The following RNF213 variants were observed in gnomAD, a reference collection of about 807,000 sequenced individuals.
The protein encoded by RNF213 is ring finger protein 213.
In RNF213, 341 loss-of-function variants were observed where a neutral mutation model predicts 514.4. That is an observed-to-expected ratio of 0.66 (90% CI 0.61 to 0.73). The LOEUF (loss-of-function observed/expected upper bound fraction) is 0.73, where lower values mean the gene tolerates loss of function less well. Ranked by LOEUF, RNF213 falls within the 30% of genes least tolerant of loss-of-function variation. The pLI is 0.00. For missense variants in RNF213, 5,767 were observed against 6,615.6 expected, an observed-to-expected ratio of 0.87 and a Z score of 4.45; for synonymous variants, 2,655 against 2,658.2, an observed-to-expected ratio of 1.00 and a Z score of 0.04.
At chr17:80,296,381 T>G (rs1216534212) in intron 10 of RNF213, among the ~76,000 whole-genome samples, 1 of 152,182 alleles carries the variant, frequency 6.6e-6, no homozygotes, top group Admixed American at 6.5e-5. Flanking sequence ...TGCGCGTGTT[T>G]AGGAGGTTGT....
Position 80,350,347 on chromosome 17 carries a change from A to G in RNF213, c.10135A>G (p.Thr3379Ala), listed in dbSNP as rs1410221310. Reference sequence around the variant, plus strand: ...CAAATGTAAAATCCTCATTTTTCAGACAGATTTTGAAGATGGAATCCGTAG... The same window carrying G: ...CAAATGTAAAATCCTCATTTTTCAGGCAGATTTTGAAGATGGAATCCGTAG... ...TAKCKILIFQ[T>A]DFEDGIRSAQ... Residue 3379 changes from threonine to alanine, a missense_variant, in exon 31 of 68, where the codon ACA becomes GCA. Coordinates refer to ENST00000582970, the MANE Select transcript of RNF213 (RefSeq NM_001256071.3). The G allele has an allele frequency of 6.2e-7, 1 of 1,612,230 alleles. No individual in the cohort carries two copies. The highest frequency in any genetic ancestry group is 1.1e-5 in the South Asian group (1 of 91,044).
Position 80,377,682 on chromosome 17 carries a change from TAGAG to T in RNF213, c.13511-77_13511-74del. On this transcript the variant is annotated intron_variant, in intron 53 of 67. Coordinates refer to ENST00000582970, the MANE Select transcript of RNF213 (RefSeq NM_001256071.3). The surrounding 1 kb of genome is among the most constrained non-coding windows in gnomAD (Gnocchi z 4.1). ...TCATATTGTGGTCAGGGCCAGAGAG[TAGAG>T]AGTTAGCTTTCCCTTTTCAATGTGG... 1.3e-6 allele frequency: 2 copies of T among 1,501,816 alleles called. No homozygotes were observed. Among genetic ancestry groups the T allele is most frequent in the Non-Finnish European group, 1.9e-6 (2 of 1,077,668 alleles). The allele number at this position is 1,501,816 out of a possible 1,614,324, so 93.0% of individuals were successfully genotyped here. A position where few individuals can be genotyped will look rare whatever the true frequency, so the allele number is the denominator to read the frequency against.
chr17:80,301,047 G>A (rs1164553753), intron 11 of RNF213, among the ~76,000 whole-genome samples: 2 of 151,808 alleles, frequency 1.3e-5, no homozygotes, highest in Non-Finnish European at 2.9e-5. Context: ...TTACACCTTT[G>A]TCAGATGCAT....
chr17:80,346,070 G>T lies in RNF213; in HGVS notation c.7735G>T (p.Val2579Leu). The T allele has an allele frequency of 6.2e-7, 1 of 1,614,152 alleles. No individual in the cohort carries two copies. Among genetic ancestry groups the T allele is most frequent in the Non-Finnish European group, 8.5e-7 (1 of 1,180,034 alleles). Residue 2579 changes from valine (V) to leucine (L), a missense_variant, in exon 29 of 68, where the codon GTG becomes TTG. Physicochemically the swap from Val to Leu is conservative, Grantham distance 32. Coordinates refer to ENST00000582970, the MANE Select transcript of RNF213 (RefSeq NM_001256071.3). The surrounding 1 kb of genome is among the most constrained non-coding windows in gnomAD (Gnocchi z 8.1). Reference sequence around the variant, plus strand: ...TCTGCCCCCGAGCCTGATTCCTCTGGTGTGGGACTTTGGACAACTGAGTGA... The same window carrying T: ...TCTGCCCCCGAGCCTGATTCCTCTGTTGTGGGACTTTGGACAACTGAGTGA... ...HALPPSLIPL[V>L]WDFGQLSDVA...
chr17:80,384,799 C>A (rs1340083971), intron 59 of RNF213: 1 of 551,542 alleles, frequency 1.8e-6, no homozygotes, highest in South Asian at 2.0e-5. Context: ...GCGGCTGATG[C>A]GTCAGCTCCA....
At chr17:80,361,911 A>AG (rs1454599510) in intron 39 of RNF213, 23 bp downstream of exon 39, 1 of 1,606,842 alleles carries the variant, frequency 6.2e-7, no homozygotes, top group African/African-American at 1.3e-5. Flanking sequence ...ATACTGGCTA[A>AG]GGGTCAGGTG....
intron 10 of RNF213, among the ~76,000 whole-genome samples, chr17:80,296,251 C>T (rs2044940921): frequency 6.6e-6 from 1 of 152,172 alleles, no homozygotes; most frequent in African/African-American, 2.4e-5. Context: ...AACTCCTGAC[C>T]TCAAGTGATC....
At chr17:80,315,803 AGGT>A (rs1490707423) in intron 15 of RNF213, 24 of 19,740 alleles carry the variant, frequency 1.2e-3, no homozygotes, top group African/African-American at 3.6e-3. Context: ...GTGGTGGTGG[AGGT>A]GGTGGTGGTG....
rs768093727 is a variant in RNF213, at chr17:80,306,458, T to G, written c.2417T>G (p.Leu806Trp). The stretch of plus-strand genomic sequence containing the variant: ...CGGCTTCCGGGACTTGAGCAAGTCT[T>G]GAATACGCAGGTTTGTGTCTGAAGT... The part of the protein sequence containing the change: ...YYRLPGLEQV[L>W]NTQDVQDVQN... The change falls in exon 12 of 68, where the codon TTG becomes TGG. Residue 806 changes from leucine (L) to tryptophan (W), a missense_variant. By Grantham distance (61) the Leu-to-Trp change is moderately conservative (BLOSUM62 -2). Around this residue, in one of 13 missense-constraint regions of RNF213, gnomAD observed 592 missense variants for 673.9 expected, o/e 0.88. Coordinates refer to ENST00000582970, the MANE Select transcript of RNF213 (RefSeq NM_001256071.3). The G allele has an allele frequency of 1.6e-4, 265 of 1,613,960 alleles. No individual in the cohort carries two copies. The highest frequency in any genetic ancestry group is 2.1e-4 in the Non-Finnish European group (248 of 1,180,018).
chr17:80,371,899 C>A lies in RNF213; in HGVS notation c.12451C>A (p.Gln4151Lys). ...CTTTCATGATGTAAAAGATTATATT[C>A]AGGAATATTTGACCCTGTTAAAAAA... is the stretch of plus-strand genomic sequence containing the variant. ...YSFHDVKDYI[Q>K]EYLTLLKKKA... is the part of the protein sequence containing the mutation. The change falls in exon 47 of 68, where the codon CAG (glutamine) becomes AAG (lysine). Residue 4151 changes from glutamine to lysine, a missense_variant. By Grantham distance (53) the Gln-to-Lys change is moderately conservative. Transcript: ENST00000582970. The A allele has an allele frequency of 6.5e-7, 1 of 1,542,204 alleles. No homozygotes were observed. The highest frequency in any genetic ancestry group is 9.0e-7 in the Non-Finnish European group (1 of 1,114,508).
intron 67 of RNF213, among the ~76,000 whole-genome samples, chr17:80,390,677 C>A (rs769346286): frequency 1.3e-5 from 2 of 151,470 alleles, no homozygotes; most frequent in African/African-American, 2.4e-5. Context: ...AATGAAAAGG[C>A]GTGAGCCACT....
Position 80,337,606 on chromosome 17 carries a change from G to C in RNF213, c.4548G>C (p.Leu1516Phe), listed in dbSNP as rs538828287. Residue 1516 changes from leucine to phenylalanine, a missense_variant, in exon 24 of 68, where the codon TTG (leucine) becomes TTC (phenylalanine). Coordinates refer to ENST00000582970, the MANE Select transcript of RNF213 (RefSeq NM_001256071.3). ...PRKLCDSARN[L>F]EWLKTVNESH... ...CATAGTGTGACTCCGCCAGGAACTT[G>C]GAATGGCTGAAGACTGTGAATGAGA... is the stretch of plus-strand genomic sequence containing the variant. The C allele has an allele frequency of 1.7e-5, 26 of 1,537,298 alleles. No homozygotes were observed. Among genetic ancestry groups the C allele is most frequent in the South Asian group, 1.3e-4 (11 of 84,066 alleles).
At chr17:80,342,056 C>T (rs2078169283) in intron 26 of RNF213, 3 of 152,366 alleles carry the variant, frequency 2.0e-5, no homozygotes, top group Admixed American at 1.3e-4. Context: ...CCTCAGCCTC[C>T]CAAAGTGCTG....
Position 80,345,003 on chromosome 17 carries a change from A to G in RNF213, c.6668A>G (p.Asn2223Ser). The change falls in exon 29 of 68, where the codon AAT (asparagine) becomes AGT (serine). Residue 2223 changes from asparagine to serine, a missense_variant. Coordinates refer to ENST00000582970, the MANE Select transcript of RNF213 (RefSeq NM_001256071.3). This position sits in a 1 kb window ranked among gnomAD's most constrained non-coding sequence, Gnocchi z 6.0. ...CTTCGGAACTTTGCTCGGTTCCTGA[A>G]TTATCAGCTCAGAGATTGTGAGGCC... is the stretch of plus-strand genomic sequence containing the variant. ...SELRNFARFL[N>S]YQLRDCEASL... The G allele has an allele frequency of 1.2e-6, 2 of 1,614,136 alleles. No individual in the cohort carries two copies. The highest frequency in any genetic ancestry group is 1.1e-5 in the South Asian group (1 of 91,084).
In RNF213 at chr17:80,309,154, A is replaced by C. The variant is rs764834830; in HGVS notation, c.2638A>C (p.Arg880=). Residue 880 remains arginine (R), a synonymous_variant, in exon 14 of 68, where the codon AGA becomes CGA. Transcript: ENST00000582970. ...LSAEIVCRMI[R]LLSLVDSAGQ... is the part of the protein sequence containing the mutation. ...TGCCGAGATTGTCTGCAGAATGATT[A>C]GACTTCTATCTCTGGTGGTAAGTGG... The C allele has an allele frequency of 6.8e-6, 11 of 1,614,228 alleles. No homozygotes were observed. The South Asian group carries it at 1.2e-4, about 18-fold the overall frequency.
intron 14 of RNF213, 53 bp from the exon 15 acceptor site, chr17:80,312,959 G>A (rs2045621224): frequency 1.9e-6 from 3 of 1,609,490 alleles, no homozygotes; most frequent in South Asian, 1.1e-5. Context: ...ATCTCGCCGG[G>A]AACCTGAGTC....
At chr17:80,261,890 G>A (rs755712261) in intron 1 of RNF213, among the ~76,000 whole-genome samples, 1 of 152,340 alleles carries the variant, frequency 6.6e-6, no homozygotes, top group East Asian at 1.9e-4. Flanking sequence ...GGTGGCGCAT[G>A]CCTGTAACTC....
chr17:80,372,394 A>G, intron 47 of RNF213, 127 bp from the exon 48 acceptor site: 1 of 723,496 alleles, frequency 1.4e-6, no homozygotes, highest in Non-Finnish European at 2.4e-6. Context: ...CAAGAAATTT[A>G]CACTGAAACC....
intron 45 of RNF213, 32 bp from the exon 46 acceptor site, chr17:80,369,736 G>T: frequency 3.1e-6 from 5 of 1,612,782 alleles, no homozygotes; most frequent in Non-Finnish European, 4.2e-6. Flanking sequence ...CATGTCTCAT[G>T]CAGTGAGCTG....
Sources: allele counts gnomAD v4.1 joint callset (sites outside exome capture counted in the v4.1 genomes callset), GRCh38; gene constraint gnomAD v4.1.1; regional missense constraint gnomAD v4.1.1; non-coding constraint Gnocchi (gnomAD v3.1); transcripts MANE v1.5; gene names NCBI Gene and HGNC (gene_info 2026-07-23, HGNC 2026-07-21).